Variants in SREK1IP1 observed in about 807,000 individuals in gnomAD.
SREK1IP1 encodes the protein SREK1 interacting protein 1.
Under a neutral mutation model 22.8 loss-of-function variants are expected in SREK1IP1, and 12 were observed. The observed-to-expected ratio is 0.53, with a 90% CI of 0.34 to 0.85. The LOEUF (loss-of-function observed/expected upper bound fraction) is 0.85. SREK1IP1 is among the 40% of genes least tolerant of loss of function. The probability of loss-of-function intolerance (pLI) is 0.02; values close to 1 mark genes in which losing one functional copy is unlikely to be tolerated. For synonymous variants in SREK1IP1, 53 were observed against 52.7 expected, an observed-to-expected ratio of 1.01 and a Z score of -0.02; for missense variants, 147 against 171.8, an observed-to-expected ratio of 0.86 and a Z score of 0.81.
rs532734369 is a variant in SREK1IP1 at position 64,739,015 on chromosome 5, A to G, written c.205+2042T>C. Among the ~76,000 whole-genome samples, 6 of 152,180 alleles carry G rather than the reference A, an allele frequency of 3.9e-5. No individual in the cohort carries two copies. In the South Asian group the frequency reaches 1.0e-3, roughly 26 times the overall value. On this transcript the variant is annotated intron_variant, in intron 3 of 4. Coordinates refer to ENST00000513458, the MANE Select transcript of SREK1IP1 (RefSeq NM_173829.4). ...TCTGACTCCTGATCTTTGACAGATGACCTGTTTAATCCCTGATCCTGGAAG... is the reference window on the plus strand; with the variant it reads ...TCTGACTCCTGATCTTTGACAGATGGCCTGTTTAATCCCTGATCCTGGAAG...
rs1300764960 is a variant in SREK1IP1 at position 64,728,187 on chromosome 5, G to C, written c.206-8C>G. ...CCTCTTCTTCATTTATTCCTGTGGG[G>C]GAGAGGTGAGAAGAAAAAAATCTGG... On this transcript the variant is annotated splice_region_variant and splice_polypyrimidine_tract_variant and intron_variant, in intron 3 of 4. Transcript: ENST00000513458. The C allele has an allele frequency of 7.2e-7, 1 of 1,382,320 alleles. No homozygotes were observed. Among genetic ancestry groups the C allele is most frequent in the Non-Finnish European group, 9.4e-7 (1 of 1,059,292 alleles). 85.6% of individuals were successfully genotyped at this position (1,382,320 alleles called of 1,614,324 possible). A position where few individuals can be genotyped will look rare whatever the true frequency, so the allele number is the denominator to read the frequency against.
At chr5:64,730,371 G>T (rs1742355925) in intron 3 of SREK1IP1, among the ~76,000 whole-genome samples, 1 of 152,170 alleles carries the variant, frequency 6.6e-6, no homozygotes. Flanking sequence ...CTAGAAAGCA[G>T]CAGAGAAATG....
intron 1 of SREK1IP1, among the ~76,000 whole-genome samples, chr5:64,764,147 AT>A (rs1370234863): frequency 6.7e-6 from 1 of 150,230 alleles, no homozygotes; most frequent in East Asian, 2.0e-4. Context: ...TAAAAAAAAA[AT>A]CACAAAAAAA....
chr5:64,724,355 A>T lies in SREK1IP1; in HGVS notation c.*29T>A, dbSNP rs1027617244. 4 of 1,490,306 alleles carry T rather than the reference A, an allele frequency of 2.7e-6. No homozygotes were observed. The African/African-American group carries it at 5.6e-5, about 21-fold the overall frequency. 92.3% of individuals were successfully genotyped at this position (1,490,306 alleles called of 1,614,324 possible). A position where few individuals can be genotyped will look rare whatever the true frequency, so the allele number is the denominator to read the frequency against. On this transcript the variant is annotated 3_prime_UTR_variant, in exon 5 of 5. Coordinates refer to ENST00000513458, the MANE Select transcript of SREK1IP1 (RefSeq NM_173829.4). ...AAACACGTTTTAAAAACAAATTTTT[A>T]AATTTAACGGCTTAAGCCAAAGTCT...
chr5:64,754,132 T>G (rs1742795463), intron 2 of SREK1IP1, among the ~76,000 whole-genome samples, 183 bp downstream of exon 2: 1 of 152,218 alleles, frequency 6.6e-6, no homozygotes, highest in South Asian at 2.1e-4. Context: ...TTACTGGGTC[T>G]AAAGCAGGGA....
chr5:64,730,939 T>C (rs2112089086), intron 3 of SREK1IP1, among the ~76,000 whole-genome samples: 1 of 149,454 alleles, frequency 6.7e-6, no homozygotes, highest in Middle Eastern at 3.4e-3. Flanking sequence ...AAAAGAATAA[T>C]GGTGATAACT....
rs116191771 is a variant in SREK1IP1, at chr5:64,732,462, A to G, written c.206-4283T>C. Among the ~76,000 whole-genome samples the G allele has an allele frequency of 3.7e-3, 570 of 152,316 alleles. 4 individuals are homozygous for G. The highest frequency in any genetic ancestry group is 0.012 in the African/African-American group (489 of 41,578). ...ACATGCAGAGAACAAAATTAAAGAT[A>G]CAGTATCATTTATAATTTTCCAAAA... On this transcript the variant is annotated intron_variant, in intron 3 of 4. Transcript: ENST00000513458.
At chr5:64,729,207 T>C (rs929942185) in intron 3 of SREK1IP1, among the ~76,000 whole-genome samples, 6 of 152,238 alleles carry the variant, frequency 3.9e-5, no homozygotes, top group African/African-American at 1.4e-4. Context: ...TAAATGCTTA[T>C]GTGTCAAGTA....
intron 2 of SREK1IP1, among the ~76,000 whole-genome samples, chr5:64,751,674 TA>T (rs1301766038): frequency 6.6e-6 from 1 of 152,150 alleles, no homozygotes; most frequent in Non-Finnish European, 1.5e-5. Flanking sequence ...TTGCTGACAA[TA>T]AAAAACACTT....
chr5:64,740,559 C>T (rs1430311342), intron 3 of SREK1IP1, among the ~76,000 whole-genome samples: 1 of 152,164 alleles, frequency 6.6e-6, no homozygotes, highest in Non-Finnish European at 1.5e-5. Context: ...ATGCCCAGAA[C>T]TCTCTGCTTT....
chr5:64,740,379 G>C (rs1157991086), intron 3 of SREK1IP1, among the ~76,000 whole-genome samples: 1 of 152,090 alleles, frequency 6.6e-6, no homozygotes, highest in African/African-American at 2.4e-5. Context: ...GGAATCTATA[G>C]ATTTATGGGG....
chr5:64,768,059 G>A (rs1280459404), intron 1 of SREK1IP1, among the ~76,000 whole-genome samples: 1 of 152,176 alleles, frequency 6.6e-6, no homozygotes, highest in Non-Finnish European at 1.5e-5. Flanking sequence ...ACATACAACA[G>A]GAAGAGCTAG....
intron 1 of SREK1IP1, among the ~76,000 whole-genome samples, chr5:64,759,434 G>A (rs943790488): frequency 6.6e-6 from 1 of 152,162 alleles, no homozygotes; most frequent in African/African-American, 2.4e-5. Flanking sequence ...AGGCTGTTCA[G>A]AGTAATACAG....
At position 64,719,451 on chromosome 5, in the gene SREK1IP1, G is replaced by C. The variant is rs1742119388; in HGVS notation, c.*4933C>G. On this transcript the variant is annotated 3_prime_UTR_variant, in exon 5 of 5. Coordinates refer to ENST00000513458, the MANE Select transcript of SREK1IP1 (RefSeq NM_173829.4). ...GAATTTTCACTTATTTTTTGTGAAA[G>C]TTTATAAAGCTTTTATGGGTGCTTC... 1 of 152,092 alleles carries C rather than the reference G, an allele frequency of 6.6e-6. No individual in the cohort carries two copies. The highest frequency in any genetic ancestry group is 1.5e-5 in the Non-Finnish European group (1 of 67,998). The allele number at this position is 152,092 out of a possible 1,614,324, so 9.4% of individuals were successfully genotyped here. A position where few individuals can be genotyped will look rare whatever the true frequency, so the allele number is the denominator to read the frequency against.
At chr5:64,766,218 T>G (rs2112121105) in intron 1 of SREK1IP1, among the ~76,000 whole-genome samples, 1 of 152,346 alleles carries the variant, frequency 6.6e-6, no homozygotes, top group East Asian at 1.9e-4. Context: ...TATTAACTAT[T>G]TGCATTCCTA....
At chr5:64,726,994 A>G (rs1354155905) in intron 4 of SREK1IP1, among the ~76,000 whole-genome samples, 1 of 152,228 alleles carries the variant, frequency 6.6e-6, no homozygotes, top group Non-Finnish European at 1.5e-5. Context: ...CTGTGCTAGA[A>G]TAAATGATTT....
Position 64,723,225 on chromosome 5 carries a change from T to C in SREK1IP1, c.*1159A>G, listed in dbSNP as rs1307396253. On this transcript the variant is annotated 3_prime_UTR_variant, in exon 5 of 5. Coordinates refer to ENST00000513458, the MANE Select transcript of SREK1IP1 (RefSeq NM_173829.4). ...TACCCATATAAAATTTCCATTATTA[T>C]ACAAAGGCTTTCATGATGCAACTCC... is the stretch of plus-strand genomic sequence containing the variant. 1.3e-5 allele frequency: 2 copies of C among 152,198 alleles called. No homozygotes were observed. The highest frequency in any genetic ancestry group is 2.4e-5 in the African/African-American group (1 of 41,442). The allele number at this position is 152,198 out of a possible 1,614,324, so 9.4% of individuals were successfully genotyped here.
At chr5:64,746,144 G>A (rs1742633395) in intron 2 of SREK1IP1, among the ~76,000 whole-genome samples, 1 of 152,106 alleles carries the variant, frequency 6.6e-6, no homozygotes, top group South Asian at 2.1e-4. Flanking sequence ...TTCAACAGAT[G>A]GTACAGAGAC....
intron 4 of SREK1IP1, chr5:64,727,545 A>T (rs1470382596): frequency 2.4e-5 from 3 of 122,550 alleles, no homozygotes; most frequent in African/African-American, 1.5e-4. Flanking sequence ...ATATATATAT[A>T]TATATATATT....
Sources: allele counts gnomAD v4.1 joint callset (sites outside exome capture counted in the v4.1 genomes callset), GRCh38; gene constraint gnomAD v4.1.1; transcripts MANE v1.5; gene names NCBI Gene and HGNC (gene_info 2026-07-23, HGNC 2026-07-21).